DAAM1: variants seen among roughly 807,000 people sequenced by gnomAD.
The protein encoded by DAAM1 is disheveled-associated activator of morphogenesis 1.
In DAAM1, 52 loss-of-function variants were observed where a neutral mutation model predicts 130.0. The ratio of observed to expected loss-of-function variants is 0.40; its 90% CI spans 0.32 to 0.50. The LOEUF is 0.50. Among genes scored for constraint, DAAM1 ranks in the 20% least tolerant of loss-of-function variants. DAAM1 has a pLI of 0.61. For synonymous variants in DAAM1, 452 were observed against 444.5 expected (o/e 1.02, Z -0.21); for missense variants, 1,134 against 1,303.8 (o/e 0.87, Z 2.01).
chr14:59,300,373 A>G (rs1034825659), intron 3 of DAAM1, among the ~76,000 whole-genome samples: 4 of 152,218 alleles, frequency 2.6e-5, no homozygotes, highest in African/African-American at 9.6e-5. Flanking sequence ...GAAAGATAAT[A>G]AAATAACGTT....
intron 1 of DAAM1, among the ~76,000 whole-genome samples, chr14:59,248,154 G>A (rs937335441): frequency 9.2e-5 from 14 of 152,164 alleles, no homozygotes; most frequent in Admixed American, 8.5e-4. Flanking sequence ...TTGCAAGAGA[G>A]GCAGTCTCTT....
intron 1 of DAAM1, among the ~76,000 whole-genome samples, chr14:59,229,169 T>C (rs1889029001): frequency 6.6e-6 from 1 of 152,224 alleles, no homozygotes; most frequent in South Asian, 2.1e-4. Context: ...GGAAGATATT[T>C]TGATTTAGTA....
chr14:59,283,991 C>T (rs1443348701), intron 2 of DAAM1, among the ~76,000 whole-genome samples: 1 of 152,174 alleles, frequency 6.6e-6, no homozygotes, highest in Non-Finnish European at 1.5e-5. Context: ...TTAGGACCAG[C>T]AGCAACACCT....
At chr14:59,322,320 T>C (rs1408925932) in intron 5 of DAAM1, among the ~76,000 whole-genome samples, 2 of 151,894 alleles carry the variant, frequency 1.3e-5, no homozygotes, top group Non-Finnish European at 2.9e-5. Context: ...AAGACCAGTC[T>C]GGGCAACATA....
chr14:59,294,888 G>A (rs1883895282), intron 3 of DAAM1, among the ~76,000 whole-genome samples: 1 of 152,230 alleles, frequency 6.6e-6, no homozygotes, highest in Non-Finnish European at 1.5e-5. Context: ...TAAGTCTTCA[G>A]AGAGGAGAAA....
At chr14:59,364,445 G>A (rs982552392) in intron 23 of DAAM1, among the ~76,000 whole-genome samples, 3 of 151,772 alleles carry the variant, frequency 2.0e-5, no homozygotes, top group Non-Finnish European at 4.4e-5. Flanking sequence ...AGCTCCCTCA[G>A]CTTCACCTCA....
At chr14:59,297,780 A>G (rs1413866184) in intron 3 of DAAM1, among the ~76,000 whole-genome samples, 2 of 152,276 alleles carry the variant, frequency 1.3e-5, no homozygotes, top group African/African-American at 4.8e-5. Context: ...ATAATCTCTT[A>G]CTGTGCCTAA....
At chr14:59,245,033 A>T (rs550017509) in intron 1 of DAAM1, among the ~76,000 whole-genome samples, 3 of 152,206 alleles carry the variant, frequency 2.0e-5, no homozygotes, top group African/African-American at 7.2e-5. Context: ...ATAACTGATG[A>T]TCTCAGGGAA....
intron 20 of DAAM1, chr14:59,357,383 C>G (rs971230911): frequency 2.6e-5 from 4 of 151,734 alleles, no homozygotes; most frequent in African/African-American, 9.7e-5. Context: ...AAAAAAATAG[C>G]CTCACTCTTT....
rs751765922 is a variant in DAAM1, at chr14:59,324,232, A to G, written c.879A>G (p.Ala293=). 10 of 1,443,148 alleles carry G rather than the reference A, an allele frequency of 6.9e-6. No individual in the cohort carries two copies. The highest frequency in any genetic ancestry group is 8.2e-6 in the Non-Finnish European group (9 of 1,094,920). The allele number at this position is 1,443,148 out of a possible 1,614,324, so 89.4% of individuals were successfully genotyped here. The change falls in exon 7 of 25, where the codon GCA becomes GCG. Residue 293 remains alanine, a synonymous_variant. Transcript: ENST00000360909. ...TTAATGCAGTGCTCAGCCAAGGTGCAGGAGTGGTAAGAACCTTCTACAAAT... is the reference window on the plus strand; with the variant it reads ...TTAATGCAGTGCTCAGCCAAGGTGCGGGAGTGGTAAGAACCTTCTACAAAT... The part of the protein sequence containing the change: ...SFINAVLSQG[A]GVESLDFRLH...
intron 1 of DAAM1, among the ~76,000 whole-genome samples, chr14:59,221,719 AC>A (rs1486326514): frequency 2.3e-4 from 35 of 152,228 alleles, no homozygotes; most frequent in African/African-American, 8.4e-4. Flanking sequence ...ACTCCAGCCA[AC>A]ACTGTAACTC....
At chr14:59,250,475 A>G (rs1306912963) in intron 1 of DAAM1, among the ~76,000 whole-genome samples, 1 of 152,260 alleles carries the variant, frequency 6.6e-6, no homozygotes, top group African/African-American at 2.4e-5. Context: ...GTATGCACAA[A>G]AAGCAAGCTG....
At chr14:59,249,011 T>G (rs938530680) in intron 1 of DAAM1, among the ~76,000 whole-genome samples, 1 of 152,146 alleles carries the variant, frequency 6.6e-6, no homozygotes, top group Admixed American at 6.5e-5. Context: ...ATGGTCTCGA[T>G]CTCCTGACCT....
chr14:59,225,199 T>C (rs1472398666), intron 1 of DAAM1, among the ~76,000 whole-genome samples: 1 of 152,058 alleles, frequency 6.6e-6, no homozygotes, highest in Admixed American at 6.5e-5. Context: ...AGCTAATTTT[T>C]GTATTTTTAG....
At chr14:59,273,768 T>G (rs1348900446) in intron 2 of DAAM1, among the ~76,000 whole-genome samples, 1 of 152,218 alleles carries the variant, frequency 6.6e-6, no homozygotes, top group Non-Finnish European at 1.5e-5. Context: ...AGCGTAATTT[T>G]AAAAATGTGT....
At chr14:59,258,455 G>C (rs1882010680) in intron 1 of DAAM1, among the ~76,000 whole-genome samples, 1 of 152,182 alleles carries the variant, frequency 6.6e-6, no homozygotes, top group Admixed American at 6.5e-5. Flanking sequence ...CCTATGAAAT[G>C]GGGGTGATGA....
intron 1 of DAAM1, among the ~76,000 whole-genome samples, chr14:59,256,355 C>G (rs1242902260): frequency 1.3e-5 from 2 of 152,172 alleles, no homozygotes; most frequent in Non-Finnish European, 2.9e-5. Flanking sequence ...TTGACTGTTG[C>G]TACATTGAGA....
intron 1 of DAAM1, among the ~76,000 whole-genome samples, chr14:59,189,196 G>T (rs1000128032): frequency 6.6e-6 from 1 of 152,268 alleles, no homozygotes; most frequent in East Asian, 1.9e-4. Flanking sequence ...CGGCGGCTCC[G>T]AGAGGGAGAA....
intron 16 of DAAM1, among the ~76,000 whole-genome samples, chr14:59,343,694 C>T (rs1425089931): frequency 6.6e-6 from 1 of 152,184 alleles, no homozygotes; most frequent in East Asian, 1.9e-4. Flanking sequence ...TGGTCAGGGG[C>T]ACCTGCCACA....
Sources: allele counts gnomAD v4.1 joint callset (sites outside exome capture counted in the v4.1 genomes callset), GRCh38; gene constraint gnomAD v4.1.1; transcripts MANE v1.5; gene names NCBI Gene and HGNC (gene_info 2026-07-23, HGNC 2026-07-21).